The following KAZN variants were observed in gnomAD, a reference collection of about 807,000 sequenced individuals.
KAZN encodes kazrin, periplakin interacting protein, also known as kazrin.
KAZN carries 40 observed loss-of-function variants against 87.4 expected under a neutral mutation model. The observed-to-expected ratio is 0.46, with a 90% CI of 0.36 to 0.60. KAZN has a LOEUF of 0.60. KAZN is among the 20% of genes least tolerant of loss of function. The pLI is 0.00. For missense variants in KAZN, 898 were observed against 1,073.9 expected (o/e 0.84, Z 2.29); for synonymous variants, 466 against 458.3 (o/e 1.02, Z -0.22).
Position 15,081,722 on chromosome 1 carries a change from A to G in KAZN, c.1223-12458A>G, listed in dbSNP as rs1217182663. On this transcript the variant is annotated intron_variant, in intron 8 of 14. Coordinates refer to ENST00000376030, the MANE Select transcript of KAZN (RefSeq NM_201628.3). The surrounding 1 kb of genome is among the most constrained non-coding windows in gnomAD (Gnocchi z 4.1). ...AAAGTGACAGGCCGCTGTTCAGGCC[A>G]AGGGAACGGCAGGTGCAGGGATTGG... Among the ~76,000 whole-genome samples the G allele has an allele frequency of 6.6e-6, 1 of 152,186 alleles. No homozygotes were observed. The highest frequency in any genetic ancestry group is 1.5e-5 in the Non-Finnish European group (1 of 68,044).
At chr1:14,984,990 G>A (rs1277371095) in intron 2 of KAZN, among the ~76,000 whole-genome samples, 1 of 152,052 alleles carries the variant, frequency 6.6e-6, no homozygotes, top group Non-Finnish European at 1.5e-5. Flanking sequence ...ACAAAAATTA[G>A]CCAGGCGTGG....
chr1:14,248,416 A>G (rs1243798955), intron 2 of KAZN, among the ~76,000 whole-genome samples: 1 of 152,226 alleles, frequency 6.6e-6, no homozygotes, highest in Non-Finnish European at 1.5e-5. Flanking sequence ...TCTGTTCCTT[A>G]GGATGTCCAC....
At chr1:14,839,078 CT>C (rs956336413) in intron 1 of KAZN, among the ~76,000 whole-genome samples, 6 of 152,202 alleles carry the variant, frequency 3.9e-5, no homozygotes, top group Non-Finnish European at 8.8e-5. Context: ...GACTTTCAGG[CT>C]GCAGAGGTGC....
intron 1 of KAZN, among the ~76,000 whole-genome samples, chr1:14,700,630 C>G (rs1572258176): frequency 6.6e-6 from 1 of 152,082 alleles, no homozygotes; most frequent in East Asian, 1.9e-4. Flanking sequence ...TCCACACACC[C>G]ACCTTCTGCT....
intron 2 of KAZN, among the ~76,000 whole-genome samples, chr1:14,559,327 C>G (rs112753110): frequency 6.6e-6 from 1 of 152,174 alleles, no homozygotes; most frequent in Admixed American, 6.5e-5. Context: ...TTTCCCCTAA[C>G]AAACAGAAGA....
rs556679762 is a variant in KAZN at position 14,965,900 on chromosome 1, T to C, written c.418+5025T>C. Among the ~76,000 whole-genome samples, 3 of 152,250 alleles carry C rather than the reference T, an allele frequency of 2.0e-5. No homozygotes were observed. In the South Asian group the frequency reaches 6.2e-4, roughly 32 times the overall value. Reference sequence around the variant, plus strand: ...AAACTAGAAAAAATATGTAAATCTTTAGTAATTTATTTTAAAATCATCATA... The same window carrying C: ...AAACTAGAAAAAATATGTAAATCTTCAGTAATTTATTTTAAAATCATCATA... On this transcript the variant is annotated intron_variant, in intron 2 of 14. Transcript: ENST00000376030.
chr1:14,347,051 T>G (rs1658155753), intron 2 of KAZN, among the ~76,000 whole-genome samples: 1 of 152,194 alleles, frequency 6.6e-6, no homozygotes, highest in Admixed American at 6.5e-5. Context: ...GATGTAGATG[T>G]TCAGGGAAAT....
At chr1:14,723,107 CAG>C (rs982340729) in intron 1 of KAZN, among the ~76,000 whole-genome samples, 1 of 152,028 alleles carries the variant, frequency 6.6e-6, no homozygotes, top group Non-Finnish European at 1.5e-5. Context: ...GTCTGGGTGA[CAG>C]AGTGAGACTC....
chr1:14,529,978 C>T (rs942184682), intron 2 of KAZN, among the ~76,000 whole-genome samples: 3 of 152,150 alleles, frequency 2.0e-5, no homozygotes, highest in Non-Finnish European at 4.4e-5. Flanking sequence ...GCTCTCATAA[C>T]CAAATCCTGT....
At chr1:14,652,743 A>G (rs1353936134) in intron 1 of KAZN, among the ~76,000 whole-genome samples, 6 of 144,082 alleles carry the variant, frequency 4.2e-5, no homozygotes, top group Non-Finnish European at 9.0e-5. Context: ...TAATCCATCC[A>G]TCCATTCATC....
intron 1 of KAZN, among the ~76,000 whole-genome samples, chr1:14,618,759 A>G (rs1678456430): frequency 6.6e-6 from 1 of 152,190 alleles, no homozygotes. Flanking sequence ...GTCCCAAACC[A>G]TATAATGACA....
At chr1:14,254,768 C>T (rs1377776854) in intron 2 of KAZN, among the ~76,000 whole-genome samples, 1 of 151,904 alleles carries the variant, frequency 6.6e-6, no homozygotes, top group East Asian at 1.9e-4. Flanking sequence ...AGGTATGACA[C>T]CAACATCTAC....
At chr1:14,807,908 G>A (rs1035066105) in intron 1 of KAZN, among the ~76,000 whole-genome samples, 3 of 152,118 alleles carry the variant, frequency 2.0e-5, no homozygotes, top group East Asian at 1.9e-4. Context: ...GATAGAGCCT[G>A]CCCCTCAACT....
At chr1:14,802,948 A>T (rs1024058889) in intron 1 of KAZN, among the ~76,000 whole-genome samples, 1 of 152,158 alleles carries the variant, frequency 6.6e-6, no homozygotes, top group East Asian at 1.9e-4. Context: ...GAGGAAAGCC[A>T]CCTACCTCTC....
At chr1:14,766,244 C>T (rs958259837) in intron 1 of KAZN, among the ~76,000 whole-genome samples, 12 of 152,200 alleles carry the variant, frequency 7.9e-5, no homozygotes, top group African/African-American at 2.2e-4. Context: ...GGGTCTTCAC[C>T]TGCCAACTCC....
chr1:15,036,586 A>G (rs900220569), intron 3 of KAZN, among the ~76,000 whole-genome samples: 2 of 151,996 alleles, frequency 1.3e-5, no homozygotes, highest in Non-Finnish European at 2.9e-5. Context: ...GGAGCAACTC[A>G]TGGGCCTGGG....
intron 1 of KAZN, among the ~76,000 whole-genome samples, chr1:14,625,502 A>T (rs912962687): frequency 6.6e-6 from 1 of 152,244 alleles, no homozygotes; most frequent in African/African-American, 2.4e-5. Context: ...GAGATATCCC[A>T]AAAAAGCCCC....
At chr1:14,440,722 T>C (rs1666650459) in intron 2 of KAZN, among the ~76,000 whole-genome samples, 1 of 152,186 alleles carries the variant, frequency 6.6e-6, no homozygotes, top group Admixed American at 6.5e-5. Context: ...CCAAGCATGG[T>C]GCTCTTCTGT....
At chr1:14,011,395 A>C (rs994956828) in intron 1 of KAZN, among the ~76,000 whole-genome samples, 4 of 152,156 alleles carry the variant, frequency 2.6e-5, no homozygotes, top group Admixed American at 2.6e-4. Context: ...TTTCTTCCCC[A>C]GTCTTCACCT....
Sources: allele counts gnomAD v4.1 joint callset (sites outside exome capture counted in the v4.1 genomes callset), GRCh38; gene constraint gnomAD v4.1.1; non-coding constraint Gnocchi (gnomAD v3.1); transcripts MANE v1.5; gene names NCBI Gene and HGNC (gene_info 2026-07-23, HGNC 2026-07-21).